The following PF4V1 variants were observed in gnomAD, a reference collection of about 807,000 sequenced individuals.
The protein encoded by PF4V1 is platelet factor 4 variant.
Under a neutral mutation model 6.9 loss-of-function variants are expected in PF4V1, and 4 were observed. The observed-to-expected ratio is 0.58, with a 90% CI of 0.29 to 1.34. PF4V1 has a LOEUF of 1.34. Among genes scored for constraint, PF4V1 ranks in the 40% most tolerant of loss-of-function variants. PF4V1 has a pLI of 0.09. For missense variants in PF4V1, 127 were observed against 128.6 expected, an observed-to-expected ratio of 0.99 and a Z score of 0.06; for synonymous variants, 68 against 55.9, an observed-to-expected ratio of 1.22 and a Z score of -0.97.
chr4:73,854,211 A>G lies in PF4V1; in HGVS notation c.*89A>G. The G allele has an allele frequency of 1.2e-6, 1 of 840,870 alleles. No individual in the cohort carries two copies. Among genetic ancestry groups the G allele is most frequent in the Non-Finnish European group, 1.8e-6 (1 of 542,264 alleles). The allele number at this position is 840,870 out of a possible 1,614,324, so 52.1% of individuals were successfully genotyped here. ...ATCCTTCTTATATTATATTAACGAA[A>G]TAAATCAAGTTGTGGTATAGTCAAT... On this transcript the variant is annotated 3_prime_UTR_variant, in exon 3 of 3. Transcript: ENST00000226524.
chr4:73,853,568 A>AAAATTGGATGTTTTGGTAACTTGCATAT, intron 1 of PF4V1, 106 bp downstream of exon 1: 1 of 1,385,908 alleles, frequency 7.2e-7, no homozygotes, highest in Non-Finnish European at 9.9e-7. Context: ...AGCTGCTCTT[A>AAAATTGGATGTTTTGGTAACTTGCATAT]TTGCGCGCGT....
rs1163466873 is a variant in PF4V1, at chr4:73,853,815, C to T, written c.133C>T (p.Leu45=). The T allele has an allele frequency of 6.2e-7, 1 of 1,613,218 alleles. No individual in the cohort carries two copies. The highest frequency in any genetic ancestry group is 1.7e-5 in the Admixed American group (1 of 59,974). ...EAEEDGDLQC[L]CVKTTSQVRP... ...TGAAGAAGATGGGGACCTGCAGTGC[C>T]TGTGTGTGAAGACCACCTCCCAGGT... The change falls in exon 2 of 3, where the codon CTG becomes TTG. Residue 45 remains leucine, a synonymous_variant. Coordinates refer to ENST00000226524, the MANE Select transcript of PF4V1 (RefSeq NM_002620.4).
chr4:73,853,555 C>T, intron 1 of PF4V1, 93 bp downstream of exon 1: 2 of 1,446,196 alleles, frequency 1.4e-6, no homozygotes, highest in East Asian at 2.5e-5. Flanking sequence ...GGATCATGAT[C>T]GCAGCTGCTC....
intron 1 of PF4V1, 77 bp downstream of exon 1, chr4:73,853,539 C>T: frequency 6.7e-7 from 1 of 1,496,894 alleles, no homozygotes; most frequent in Non-Finnish European, 9.0e-7. Context: ...GGGGAGGAAT[C>T]CTCTAGGATC....
At position 73,854,148 on chromosome 4, in the gene PF4V1, T is replaced by C; in HGVS notation, c.*26T>C. 1 of 1,460,750 alleles carries C rather than the reference T, an allele frequency of 6.8e-7. No homozygotes were observed. Among genetic ancestry groups the C allele is most frequent in the Non-Finnish European group, 9.6e-7 (1 of 1,040,892 alleles). The allele number at this position is 1,460,750 out of a possible 1,614,324, so 90.5% of individuals were successfully genotyped here. On this transcript the variant is annotated 3_prime_UTR_variant, in exon 3 of 3. Coordinates refer to ENST00000226524, the MANE Select transcript of PF4V1 (RefSeq NM_002620.4). ...CTACTAGCTGCCTAAGTGTGCACTT[T>C]CAATCTAACTGTGAAAGAATCTTCT...
At chr4:73,853,963 A>C in intron 2 of PF4V1, 54 bp downstream of exon 2, 1 of 1,605,240 alleles carries the variant, frequency 6.2e-7, no homozygotes, top group Non-Finnish European at 8.5e-7. Flanking sequence ...TCCTCTGCCC[A>C]TCCCTCCCCC....
At position 73,853,877 on chromosome 4, in the gene PF4V1, G is replaced by A. The variant is rs770113726; in HGVS notation, c.195G>A (p.Lys65=). The change falls in exon 2 of 3, where the codon AAG becomes AAA. Residue 65 remains lysine (K), a synonymous_variant. Coordinates refer to ENST00000226524, the MANE Select transcript of PF4V1 (RefSeq NM_002620.4). ...ACATCACCAGCCTGGAGGTGATCAA[G>A]GCCGGACCCCACTGCCCCACTGCCC... ...PRHITSLEVI[K]AGPHCPTAQL... 1.2e-6 allele frequency: 2 copies of A among 1,612,386 alleles called. No homozygotes were observed. Among genetic ancestry groups the A allele is most frequent in the South Asian group, 1.1e-5 (1 of 90,980 alleles).
rs985381043 is a variant in PF4V1, at chr4:73,854,078, G to A, written c.271G>A (p.Ala91Thr). 12 of 1,614,060 alleles carry A rather than the reference G, an allele frequency of 7.4e-6. No homozygotes were observed. The African/African-American group carries it at 1.5e-4, about 20-fold the overall frequency. ...NGRKICLDLQ[A>T]LLYKKIIKEH... is the part of the protein sequence containing the mutation. ...GAGGAAAATTTGCTTGGATCTGCAA[G>A]CCCTGCTGTACAAGAAAATCATTAA... Residue 91 changes from alanine (A) to threonine (T), a missense_variant, in exon 3 of 3, where the codon GCC becomes ACC. By Grantham distance (58) the Ala-to-Thr change is moderately conservative (BLOSUM62 0). Transcript: ENST00000226524.
chr4:73,854,174 G>A lies in PF4V1; in HGVS notation c.*52G>A. ...CAATCTAACTGTGAAAGAATCTTCTGATGTTTGTATTATCCTTCTTATATT... is the reference window on the plus strand; with the variant it reads ...CAATCTAACTGTGAAAGAATCTTCTAATGTTTGTATTATCCTTCTTATATT... On this transcript the variant is annotated 3_prime_UTR_variant, in exon 3 of 3. Transcript: ENST00000226524. 7.9e-7 allele frequency: 1 copy of A among 1,273,238 alleles called. No individual in the cohort carries two copies. The highest frequency in any genetic ancestry group is 1.1e-6 in the Non-Finnish European group (1 of 876,746). 78.9% of individuals were successfully genotyped at this position (1,273,238 alleles called of 1,614,324 possible).
At position 73,854,023 on chromosome 4, in the gene PF4V1, T is replaced by G. The variant is rs1731488180; in HGVS notation, c.228-12T>G. Reference sequence around the variant, plus strand: ...GGACTGAAAGTCACGTCTCTTCTCTTTTCCCTGCCAGAGCCACGCTGAAGA... The same window carrying G: ...GGACTGAAAGTCACGTCTCTTCTCTGTTCCCTGCCAGAGCCACGCTGAAGA... On this transcript the variant is annotated splice_polypyrimidine_tract_variant and intron_variant, in intron 2 of 2. Coordinates refer to ENST00000226524, the MANE Select transcript of PF4V1 (RefSeq NM_002620.4). 1 of 1,613,914 alleles carries G rather than the reference T, an allele frequency of 6.2e-7. No homozygotes were observed.
Position 73,854,083 on chromosome 4 carries a change from G to A in PF4V1, c.276G>A (p.Leu92=). The change falls in exon 3 of 3, where the codon CTG becomes CTA. Residue 92 remains leucine (L), a synonymous_variant. Coordinates refer to ENST00000226524, the MANE Select transcript of PF4V1 (RefSeq NM_002620.4). The part of the protein sequence containing the change: ...GRKICLDLQA[L]LYKKIIKEHL... ...AAATTTGCTTGGATCTGCAAGCCCTGCTGTACAAGAAAATCATTAAGGAAC... is the reference window on the plus strand; with the variant it reads ...AAATTTGCTTGGATCTGCAAGCCCTACTGTACAAGAAAATCATTAAGGAAC... The A allele has an allele frequency of 6.2e-7, 1 of 1,614,146 alleles. No individual in the cohort carries two copies. The highest frequency in any genetic ancestry group is 8.5e-7 in the Non-Finnish European group (1 of 1,179,982).
At position 73,853,431 on chromosome 4, in the gene PF4V1, G is replaced by A; in HGVS notation, c.69G>A (p.Leu23=). 2 of 1,614,076 alleles carry A rather than the reference G, an allele frequency of 1.2e-6. No homozygotes were observed. Among genetic ancestry groups the A allele is most frequent in the Non-Finnish European group, 1.7e-6 (2 of 1,179,972 alleles). The change falls in exon 1 of 3, where the codon CTG becomes CTA. Residue 23 remains leucine, a synonymous_variant. Coordinates refer to ENST00000226524, the MANE Select transcript of PF4V1 (RefSeq NM_002620.4). ...AGGAGATGCTGTTCTTGGCGTTGCT[G>A]CTCCTGCCAGTTGTGGTCGCCTTCG... The part of the protein sequence containing the change: ...TRQEMLFLAL[L]LLPVVVAFAR...
chr4:73,853,669 C>A, intron 1 of PF4V1, 114 bp from the exon 2 acceptor site: 2 of 1,423,386 alleles, frequency 1.4e-6, no homozygotes, highest in Admixed American at 2.2e-5. Context: ...TGATTTACGG[C>A]TAAGGAAAAG....
intron 1 of PF4V1, 123 bp downstream of exon 1, chr4:73,853,585 T>C: frequency 7.5e-7 from 1 of 1,333,978 alleles, no homozygotes; most frequent in Non-Finnish European, 1.0e-6. Context: ...GCGTGCTGAG[T>C]CTGCGGGTAC....
rs901527464 is a variant in PF4V1, at chr4:73,854,309, A to C, written c.*187A>C. On this transcript the variant is annotated 3_prime_UTR_variant, in exon 3 of 3. Coordinates refer to ENST00000226524, the MANE Select transcript of PF4V1 (RefSeq NM_002620.4). Reference sequence around the variant, plus strand: ...CATATTTTAAAATTTCCAGAATTTTAAGCAAAAAGCATTATGAAGGAAGGC... The same window carrying C: ...CATATTTTAAAATTTCCAGAATTTTCAGCAAAAAGCATTATGAAGGAAGGC... Among the ~76,000 whole-genome samples the C allele has an allele frequency of 7.2e-5, 11 of 152,236 alleles. No homozygotes were observed. Among genetic ancestry groups the C allele is most frequent in the Admixed American group, 7.2e-4 (11 of 15,292 alleles).
Position 73,853,416 on chromosome 4 carries a change from G to A in PF4V1, c.54G>A (p.Leu18=). 1.2e-6 allele frequency: 2 copies of A among 1,614,154 alleles called. No homozygotes were observed. Among genetic ancestry groups the A allele is most frequent in the Non-Finnish European group, 1.7e-6 (2 of 1,180,012 alleles). ...CCCGCGCCACCCGCCAGGAGATGCT[G>A]TTCTTGGCGTTGCTGCTCCTGCCAG... ...RLTRATRQEM[L]FLALLLLPVV... is the part of the protein sequence containing the mutation. The change falls in exon 1 of 3, where the codon CTG becomes CTA. Residue 18 remains leucine, a synonymous_variant. Coordinates refer to ENST00000226524, the MANE Select transcript of PF4V1 (RefSeq NM_002620.4).
In PF4V1 at chr4:73,854,311, G is replaced by A. The variant is rs1455482243; in HGVS notation, c.*189G>A. On this transcript the variant is annotated 3_prime_UTR_variant, in exon 3 of 3. Coordinates refer to ENST00000226524, the MANE Select transcript of PF4V1 (RefSeq NM_002620.4). ...TATTTTAAAATTTCCAGAATTTTAA[G>A]CAAAAAGCATTATGAAGGAAGGCTT... is the stretch of plus-strand genomic sequence containing the variant. Among the ~76,000 whole-genome samples the A allele has an allele frequency of 6.6e-6, 1 of 152,008 alleles. No individual in the cohort carries two copies. Among genetic ancestry groups the A allele is most frequent in the Non-Finnish European group, 1.5e-5 (1 of 67,998 alleles).
chr4:73,854,393 C>T lies in PF4V1; in HGVS notation c.*271C>T, dbSNP rs1032536000. 6.6e-6 allele frequency among the ~76,000 whole-genome samples: 1 copy of T among 151,884 alleles called. No homozygotes were observed. The highest frequency in any genetic ancestry group is 1.5e-5 in the Non-Finnish European group (1 of 67,972). On this transcript the variant is annotated 3_prime_UTR_variant, in exon 3 of 3. Coordinates refer to ENST00000226524, the MANE Select transcript of PF4V1 (RefSeq NM_002620.4). The stretch of plus-strand genomic sequence containing the variant: ...ATATGTTAGCTGATACATATTTGTT[C>T]ATTTATGTGATTGCAGTACTTTATA...
Position 73,854,080 on chromosome 4 carries a change from C to G in PF4V1, c.273C>G (p.Ala91=). ...NGRKICLDLQ[A]LLYKKIIKEH... is the part of the protein sequence containing the mutation. Reference sequence around the variant, plus strand: ...GGAAAATTTGCTTGGATCTGCAAGCCCTGCTGTACAAGAAAATCATTAAGG... The same window carrying G: ...GGAAAATTTGCTTGGATCTGCAAGCGCTGCTGTACAAGAAAATCATTAAGG... Residue 91 remains alanine (A), a synonymous_variant, in exon 3 of 3, where the codon GCC becomes GCG. Coordinates refer to ENST00000226524, the MANE Select transcript of PF4V1 (RefSeq NM_002620.4). 6.2e-7 allele frequency: 1 copy of G among 1,614,080 alleles called. No homozygotes were observed. The highest frequency in any genetic ancestry group is 8.5e-7 in the Non-Finnish European group (1 of 1,179,956).
Sources: gnomAD v4.1 joint callset for allele counts (sites outside exome capture counted in the v4.1 genomes callset) on GRCh38, gnomAD v4.1.1 for gene constraint, MANE v1.5 for transcripts, NCBI Gene and HGNC (gene_info 2026-07-23, HGNC 2026-07-21) for gene names.